SLC24A2: variants seen among roughly 807,000 people sequenced by gnomAD.
SLC24A2 encodes sodium/potassium/calcium exchanger 2.
SLC24A2 carries 36 observed loss-of-function variants against 62.0 expected under a neutral mutation model. That is an observed-to-expected ratio of 0.58 (90% confidence interval 0.44 to 0.77). The LOEUF (loss-of-function observed/expected upper bound fraction) is 0.77, where lower values mean the gene tolerates loss of function less well. SLC24A2 is among the 30% of genes least tolerant of loss of function. The probability of loss-of-function intolerance (pLI) is 0.00; values close to 1 mark genes in which losing one functional copy is unlikely to be tolerated. For synonymous variants in SLC24A2, 358 were observed against 294.0 expected, an observed-to-expected ratio of 1.22 and a Z score of -2.23; for missense variants, 846 against 817.9, an observed-to-expected ratio of 1.03 and a Z score of -0.42.
At chr9:20,039,462 A>T in the SLC24A2 span, among the ~76,000 whole-genome samples, 1 of 152,116 alleles carries the variant, frequency 6.6e-6, no homozygotes, top group Non-Finnish European at 1.5e-5. Context: ...GGTGGACATT[A>T]GGGAGCAGAA....
the SLC24A2 span, among the ~76,000 whole-genome samples, chr9:20,005,710 T>C: frequency 1.3e-5 from 2 of 151,834 alleles, no homozygotes; most frequent in South Asian, 4.1e-4. Context: ...TAGATGTAAA[T>C]GGAGAAAAAT....
intron 7 of SLC24A2, among the ~76,000 whole-genome samples, chr9:19,555,471 G>A (rs1208000291): frequency 6.6e-6 from 1 of 152,168 alleles, no homozygotes; most frequent in Non-Finnish European, 1.5e-5. Flanking sequence ...TGCGGTCTTA[G>A]TACTGTCATT....
chr9:19,830,279 A>G, the SLC24A2 span, among the ~76,000 whole-genome samples: 1 of 152,220 alleles, frequency 6.6e-6, no homozygotes, highest in African/African-American at 2.4e-5. Context: ...AAGGAAAGTA[A>G]GTTCTTTCCA....
At chr9:19,526,582 T>G (rs548570303) in intron 9 of SLC24A2, among the ~76,000 whole-genome samples, 99 of 152,334 alleles carry the variant, frequency 6.5e-4, no homozygotes, top group South Asian at 8.3e-4. Context: ...GGTTTTGATT[T>G]ACACTTCTTT....
At chr9:20,008,097 C>T in the SLC24A2 span, among the ~76,000 whole-genome samples, 1 of 151,558 alleles carries the variant, frequency 6.6e-6, no homozygotes, top group Non-Finnish European at 1.5e-5. Context: ...GGTTTTGCCA[C>T]ATTGGCCAGG....
chr9:20,206,071 A>C, the SLC24A2 span, among the ~76,000 whole-genome samples: 1 of 152,238 alleles, frequency 6.6e-6, no homozygotes, highest in Non-Finnish European at 1.5e-5. Context: ...ATCCATTCAG[A>C]GTATAAGATA....
intron 2 of SLC24A2, among the ~76,000 whole-genome samples, chr9:19,638,882 A>G (rs2118060384): frequency 6.6e-6 from 1 of 152,356 alleles, no homozygotes; most frequent in Non-Finnish European, 1.5e-5. Context: ...AACTGGAGCA[A>G]TTAGCTATCT....
chr9:19,634,261 C>A (rs1818252354), intron 2 of SLC24A2, among the ~76,000 whole-genome samples: 1 of 143,592 alleles, frequency 7.0e-6, no homozygotes, highest in Non-Finnish European at 1.5e-5. Context: ...TGCAGGCAAT[C>A]TAACTTGAAA....
chr9:20,241,872 C>G, the SLC24A2 span, among the ~76,000 whole-genome samples: 2 of 152,172 alleles, frequency 1.3e-5, no homozygotes, highest in Non-Finnish European at 2.9e-5. Context: ...AAAAACATGG[C>G]TGCAACATCA....
chr9:19,609,789 G>A (rs186487158), intron 4 of SLC24A2, among the ~76,000 whole-genome samples: 2 of 152,280 alleles, frequency 1.3e-5, no homozygotes, highest in African/African-American at 4.8e-5. Flanking sequence ...TGGGTGTGGG[G>A]TGAGTGGTGG....
chr9:19,952,146 C>G, the SLC24A2 span, among the ~76,000 whole-genome samples: 1 of 151,784 alleles, frequency 6.6e-6, no homozygotes, highest in Non-Finnish European at 1.5e-5. Context: ...TATATAGAAA[C>G]AATTGATTTT....
At chr9:19,619,498 G>A (rs1324183834) in intron 4 of SLC24A2, 86 bp downstream of exon 4, 8 of 1,078,040 alleles carry the variant, frequency 7.4e-6, no homozygotes, top group Admixed American at 6.8e-5. Flanking sequence ...CGTGCATGAC[G>A]ACAGCACAAA....
At chr9:20,013,643 A>G in the SLC24A2 span, among the ~76,000 whole-genome samples, 17 of 152,362 alleles carry the variant, frequency 1.1e-4, no homozygotes, top group Admixed American at 8.5e-4. Flanking sequence ...ACGGAAGAAA[A>G]TAGTTGAATA....
the SLC24A2 span, among the ~76,000 whole-genome samples, chr9:20,071,789 C>T: frequency 2.6e-5 from 4 of 152,038 alleles, no homozygotes; most frequent in Non-Finnish European, 5.9e-5. Context: ...CTGCTGCAGT[C>T]GCAAGTCTGG....
At chr9:19,947,556 C>T in the SLC24A2 span, among the ~76,000 whole-genome samples, 4 of 151,614 alleles carry the variant, frequency 2.6e-5, no homozygotes, top group East Asian at 1.9e-4. Context: ...TTTGGGAGGC[C>T]GAGGTGGGCA....
At chr9:19,637,373 G>T (rs1316292213) in intron 2 of SLC24A2, among the ~76,000 whole-genome samples, 1 of 152,184 alleles carries the variant, frequency 6.6e-6, no homozygotes, top group African/African-American at 2.4e-5. Flanking sequence ...TGTTCTAACT[G>T]TTGCCCGACT....
At chr9:19,555,529 T>C (rs1464082517) in intron 7 of SLC24A2, among the ~76,000 whole-genome samples, 1 of 152,224 alleles carries the variant, frequency 6.6e-6, no homozygotes, top group Non-Finnish European at 1.5e-5. Context: ...TTATCCTTTT[T>C]CCTCAGATGT....
At chr9:20,128,608 G>A in the SLC24A2 span, among the ~76,000 whole-genome samples, 39 of 152,074 alleles carry the variant, frequency 2.6e-4, no homozygotes, top group Admixed American at 2.6e-3. Context: ...TATATTTGTA[G>A]TGTGAAGTTA....
At chr9:19,963,168 T>C in the SLC24A2 span, among the ~76,000 whole-genome samples, 1 of 142,194 alleles carries the variant, frequency 7.0e-6, no homozygotes, top group East Asian at 2.1e-4. Flanking sequence ...TAGCCATATG[T>C]AGAAAGCTGA....
Sources: allele counts gnomAD v4.1 joint callset (sites outside exome capture counted in the v4.1 genomes callset), GRCh38; gene constraint gnomAD v4.1.1; transcripts MANE v1.5; gene names NCBI Gene and HGNC (gene_info 2026-07-23, HGNC 2026-07-21).